The following SUMF1 variants were observed in gnomAD, a reference collection of about 807,000 sequenced individuals.
The protein encoded by SUMF1 is formylglycine-generating enzyme.
SUMF1 carries 48 observed loss-of-function variants against 47.6 expected under a neutral mutation model. The ratio of observed to expected loss-of-function variants is 1.01; its 90% CI spans 0.80 to 1.28. The LOEUF (loss-of-function observed/expected upper bound fraction) is 1.28. SUMF1 is among the 50% of genes most tolerant of loss of function. The pLI, the probability that SUMF1 is intolerant of heterozygous loss-of-function variation, is 0.00. For synonymous variants in SUMF1, 230 were observed against 192.1 expected (o/e 1.20, Z -1.63); for missense variants, 571 against 485.4 (o/e 1.18, Z -1.66).
In SUMF1 at chr3:4,303,810, C is replaced by T. The variant is rs534914145; in HGVS notation, c.1014+72520G>A. 2.2e-4 allele frequency: 300 copies of T among 1,390,938 alleles called. 2 individuals are homozygous for T. The South Asian group carries it at 3.5e-3, about 16-fold the overall frequency. The allele number at this position is 1,390,938 out of a possible 1,614,324, so 86.2% of individuals were successfully genotyped here. On this transcript the variant is annotated intron_variant and NMD_transcript_variant, in intron 8 of 12. Transcript: ENST00000448413. ...TTTTTGTCCAGTCCTGTCCTCAGAA[C>T]TCAAGGAGGCATCACGGGGGGAGTC...
At chr3:4,418,251 G>A in intron 4 of SUMF1, 119 bp from the exon 5 acceptor site, 1 of 1,445,086 alleles carries the variant, frequency 6.9e-7, no homozygotes, top group South Asian at 1.2e-5. Context: ...AGGTCATCCT[G>A]GTCCTTAAGT....
intron 4 of SUMF1, 106 bp downstream of exon 4, chr3:4,419,958 C>G (rs958280066): frequency 2.2e-6 from 2 of 903,884 alleles, no homozygotes; most frequent in African/African-American, 3.3e-5. Flanking sequence ...GTTTGTCATT[C>G]TTATCATTTT....
intron 8 of SUMF1, chr3:4,313,912 T>C: frequency 5.1e-6 from 7 of 1,369,122 alleles, no homozygotes; most frequent in South Asian, 2.9e-5. Flanking sequence ...CTTTCTGTAA[T>C]AGAATTCTCC....
chr3:4,255,160 A>G (rs1696919936), intron 8 of SUMF1, among the ~76,000 whole-genome samples: 2 of 148,986 alleles, frequency 1.3e-5, no homozygotes, highest in Non-Finnish European at 3.0e-5. Context: ...CTGCAAAATC[A>G]TGCCAAATTG....
At chr3:4,160,021 A>G (rs1324218152) in intron 8 of SUMF1, among the ~76,000 whole-genome samples, 1 of 152,112 alleles carries the variant, frequency 6.6e-6, no homozygotes, top group Non-Finnish European at 1.5e-5. Flanking sequence ...TGATTATTAA[A>G]TGCCTTGGGG....
chr3:4,050,144 G>A (rs921857873), intron 9 of SUMF1, among the ~76,000 whole-genome samples: 1 of 151,910 alleles, frequency 6.6e-6, no homozygotes, highest in African/African-American at 2.4e-5. Flanking sequence ...CAGCTTTTGG[G>A]CATGAAAACA....
intron 1 of SUMF1, among the ~76,000 whole-genome samples, chr3:4,457,465 A>T (rs991229414): frequency 2.6e-5 from 4 of 152,186 alleles, no homozygotes; most frequent in South Asian, 2.1e-4. Flanking sequence ...AAAAGAACAA[A>T]GGTGGAGTAC....
At chr3:4,222,084 A>T (rs1476364137) in intron 8 of SUMF1, among the ~76,000 whole-genome samples, 1 of 152,132 alleles carries the variant, frequency 6.6e-6, no homozygotes, top group South Asian at 2.1e-4. Context: ...CAAATATATA[A>T]TAAGATTTCA....
intron 8 of SUMF1, chr3:4,303,212 G>A (rs1698016352): frequency 1.5e-6 from 1 of 665,622 alleles, no homozygotes; most frequent in Non-Finnish European, 2.4e-6. Flanking sequence ...ACGGGAGCCA[G>A]ACCCAAAAAG....
intron 8 of SUMF1, among the ~76,000 whole-genome samples, chr3:4,205,562 A>G (rs1470943307): frequency 1.3e-5 from 2 of 152,306 alleles, no homozygotes; most frequent in South Asian, 2.1e-4. Context: ...ATCCTTCTTA[A>G]GAAAGCTTTC....
chr3:4,364,646 T>A (rs1201839162), intron 8 of SUMF1, among the ~76,000 whole-genome samples: 4 of 151,218 alleles, frequency 2.6e-5, no homozygotes, highest in African/African-American at 9.7e-5. Context: ...TAGCGGTCTA[T>A]CAATTTTGTT....
At chr3:4,306,145 T>TG (rs2125076833) in intron 8 of SUMF1, among the ~76,000 whole-genome samples, 1 of 152,292 alleles carries the variant, frequency 6.6e-6, no homozygotes, top group South Asian at 2.1e-4. Flanking sequence ...CTGCCGTGCG[T>TG]GTGTGTGTGC....
chr3:4,302,987 T>C (rs1698009702), intron 8 of SUMF1, among the ~76,000 whole-genome samples: 1 of 152,124 alleles, frequency 6.6e-6, no homozygotes, highest in Non-Finnish European at 1.5e-5. Flanking sequence ...CGCAGACCTT[T>C]AGAAACCTTG....
At chr3:4,363,687 C>T (rs13068834) in intron 8 of SUMF1, among the ~76,000 whole-genome samples, 78,542 of 139,262 alleles carry the variant, frequency 0.56, 22,604 homozygotes, top group East Asian at 0.74. Flanking sequence ...AATTTGACTT[C>T]CTCTTTTCCT....
At chr3:4,388,063 T>C (rs763699444) in intron 7 of SUMF1, among the ~76,000 whole-genome samples, 2 of 152,110 alleles carry the variant, frequency 1.3e-5, no homozygotes, top group Non-Finnish European at 2.9e-5. Flanking sequence ...TAGACAGTGC[T>C]AGAAATCTCT....
chr3:4,113,727 C>G (rs1163195993), intron 8 of SUMF1, among the ~76,000 whole-genome samples: 3 of 152,016 alleles, frequency 2.0e-5, no homozygotes, highest in Admixed American at 6.6e-5. Context: ...AACTCAGTCT[C>G]TCTTCATGTG....
intron 8 of SUMF1, among the ~76,000 whole-genome samples, chr3:4,204,321 C>T (rs967932040): frequency 2.0e-5 from 3 of 152,078 alleles, no homozygotes; most frequent in African/African-American, 7.2e-5. Context: ...TCCTGGTCTA[C>T]AAAATTGCCA....
intron 8 of SUMF1, among the ~76,000 whole-genome samples, chr3:4,081,656 C>T (rs1279275585): frequency 3.9e-5 from 6 of 152,070 alleles, no homozygotes; most frequent in Admixed American, 3.9e-4. Flanking sequence ...TCAGCTTCTT[C>T]AGTTATAAAA....
intron 8 of SUMF1, among the ~76,000 whole-genome samples, chr3:4,364,119 G>A (rs1490223109): frequency 1.4e-5 from 2 of 138,666 alleles, no homozygotes; most frequent in Admixed American, 7.7e-5. Context: ...TGCTGGATTC[G>A]GTTTGCCAGT....
Sources: allele counts gnomAD v4.1 joint callset (sites outside exome capture counted in the v4.1 genomes callset), GRCh38; gene constraint gnomAD v4.1.1; transcripts MANE v1.5; gene names NCBI Gene and HGNC (gene_info 2026-07-23, HGNC 2026-07-21).